Variants in COPG2 observed in about 807,000 individuals in gnomAD.
COPG2 encodes coatomer subunit gamma-2.
Under a neutral mutation model 46.3 loss-of-function variants are expected in COPG2, and 37 were observed. The observed-to-expected ratio is 0.80, with a 90% CI of 0.61 to 1.05. The LOEUF is 1.05. COPG2 is among the 50% of genes least tolerant of loss of function. The pLI, the probability that COPG2 is intolerant of heterozygous loss-of-function variation, is 0.00. For synonymous variants in COPG2, 159 were observed against 129.7 expected (o/e 1.23, Z -1.53); for missense variants, 427 against 387.8 (o/e 1.10, Z -0.85).
chr7:130,586,041 C>T (rs1554447923), intron 9 of COPG2, among the ~76,000 whole-genome samples: 2 of 151,970 alleles, frequency 1.3e-5, no homozygotes, highest in Non-Finnish European at 2.9e-5. Context: ...GTACAATTTG[C>T]AACTGCAAAA....
At chr7:130,508,059 T>C (rs1482872987) in intron 21 of COPG2, 2 of 450,770 alleles carry the variant, frequency 4.4e-6, no homozygotes, top group African/African-American at 4.0e-5. Flanking sequence ...AGAGTAGTCA[T>C]GTTGCACCCA....
At chr7:130,534,431 C>T (rs1436051761) in intron 20 of COPG2, among the ~76,000 whole-genome samples, 13 of 151,816 alleles carry the variant, frequency 8.6e-5, no homozygotes, top group Non-Finnish European at 1.8e-4. Context: ...TTTTGCTATC[C>T]AAGAGTGGGA....
At chr7:130,665,617 T>C (rs903769855) in intron 3 of COPG2, among the ~76,000 whole-genome samples, 1 of 152,074 alleles carries the variant, frequency 6.6e-6, no homozygotes, top group Non-Finnish European at 1.5e-5. Context: ...AGTCTAAGTA[T>C]TATAATCACA....
chr7:130,529,347 A>G (rs1799803080), intron 20 of COPG2, among the ~76,000 whole-genome samples: 1 of 152,134 alleles, frequency 6.6e-6, no homozygotes, highest in South Asian at 2.1e-4. Context: ...TGTGCAGTAC[A>G]TCTTAACTAG....
chr7:130,632,749 T>TTTA (rs1167949557), intron 5 of COPG2, among the ~76,000 whole-genome samples: 1 of 152,152 alleles, frequency 6.6e-6, no homozygotes, highest in African/African-American at 2.4e-5. Flanking sequence ...AATGATTTTT[T>TTTA]TTATTATTAT....
At chr7:130,530,919 C>T (rs1205202365) in intron 20 of COPG2, among the ~76,000 whole-genome samples, 3 of 151,416 alleles carry the variant, frequency 2.0e-5, no homozygotes, top group Non-Finnish European at 4.4e-5. Context: ...CTGCAAGGTT[C>T]GGCATAGGGA....
intron 20 of COPG2, among the ~76,000 whole-genome samples, chr7:130,539,803 A>G (rs1799918664): frequency 6.6e-6 from 1 of 152,176 alleles, no homozygotes; most frequent in Admixed American, 6.5e-5. Flanking sequence ...CAGGACAGCC[A>G]CAGGCAGGAC....
rs1436907729 is a variant in COPG2, at chr7:130,555,034, T to C, written c.1224+3A>G. 2 of 398,508 alleles carry C rather than the reference T, an allele frequency of 5.0e-6. No homozygotes were observed. The highest frequency in any genetic ancestry group is 8.8e-6 in the Non-Finnish European group (2 of 226,016). 24.7% of individuals were successfully genotyped at this position (398,508 alleles called of 1,614,324 possible). A position where few individuals can be genotyped will look rare whatever the true frequency, so the allele number is the denominator to read the frequency against. On this transcript the variant is annotated splice_donor_region_variant and intron_variant, in intron 13 of 23. Transcript: ENST00000425248. Reference sequence around the variant, plus strand: ...TCCTATGATTAAAAAGTAGTCTACCTACATCATCTCGGAGCATGTTGGAGA... The same window carrying C: ...TCCTATGATTAAAAAGTAGTCTACCCACATCATCTCGGAGCATGTTGGAGA...
At chr7:130,578,485 AAAGCTG>A (rs1330028730) in intron 9 of COPG2, among the ~76,000 whole-genome samples, 1 of 151,980 alleles carries the variant, frequency 6.6e-6, no homozygotes, top group Non-Finnish European at 1.5e-5. Flanking sequence ...GCAACGGAAC[AAAGCTG>A]GATGGAGAAT....
At chr7:130,658,475 C>T (rs1298456839) in intron 4 of COPG2, among the ~76,000 whole-genome samples, 1 of 151,906 alleles carries the variant, frequency 6.6e-6, no homozygotes, top group South Asian at 2.1e-4. Context: ...GATAACACCA[C>T]TATATGTGTT....
intron 20 of COPG2, among the ~76,000 whole-genome samples, chr7:130,530,959 T>A (rs1799818883): frequency 6.6e-6 from 1 of 150,506 alleles, no homozygotes; most frequent in Non-Finnish European, 1.5e-5. Context: ...TGGACAGCAA[T>A]AGACAGGAAG....
intron 20 of COPG2, among the ~76,000 whole-genome samples, chr7:130,526,518 A>AAGAC (rs1310144009): frequency 3.6e-4 from 54 of 152,102 alleles, no homozygotes; most frequent in African/African-American, 1.1e-3. Flanking sequence ...TCACCTACAG[A>AAGAC]AGACAGGGTG....
At chr7:130,610,907 A>G in intron 9 of COPG2, 46 bp downstream of exon 9, 2 of 1,599,124 alleles carry the variant, frequency 1.3e-6, no homozygotes, top group Middle Eastern at 1.7e-4. Flanking sequence ...AAGGTATATT[A>G]ACTTCGCAAA....
intron 8 of COPG2, among the ~76,000 whole-genome samples, chr7:130,611,507 A>AC (rs1794848866): frequency 6.6e-6 from 1 of 152,220 alleles, no homozygotes; most frequent in Non-Finnish European, 1.5e-5. Flanking sequence ...AAAGCAGGCT[A>AC]CAAGAGTGTC....
chr7:130,565,390 C>T (rs951488921), intron 9 of COPG2, among the ~76,000 whole-genome samples: 2 of 152,140 alleles, frequency 1.3e-5, no homozygotes, highest in African/African-American at 2.4e-5. Context: ...ATAAAGACTA[C>T]AGAAATAGTC....
At chr7:130,578,783 A>G (rs1794069084) in intron 9 of COPG2, among the ~76,000 whole-genome samples, 1 of 151,648 alleles carries the variant, frequency 6.6e-6, no homozygotes, top group Admixed American at 6.6e-5. Context: ...TGAAGCGAGA[A>G]GGGAAGTTTA....
chr7:130,645,048 G>C (rs1795566862), intron 5 of COPG2, among the ~76,000 whole-genome samples: 1 of 143,818 alleles, frequency 7.0e-6, no homozygotes, highest in Admixed American at 7.1e-5. Flanking sequence ...GGGGACAAGA[G>C]CGAGACTTCA....
At position 130,579,572 on chromosome 7, in the gene COPG2, C is replaced by T. The variant is rs1477211201; in HGVS notation, c.738-15179G>A. On this transcript the variant is annotated intron_variant, in intron 9 of 23. Coordinates refer to ENST00000425248, the MANE Select transcript of COPG2 (RefSeq NM_012133.6). ...GACTGGCAAATTGGATAAAGAGTCACGACCCATCAGTGTGCTGTATTCAGG... is the reference window on the plus strand; with the variant it reads ...GACTGGCAAATTGGATAAAGAGTCATGACCCATCAGTGTGCTGTATTCAGG... Among the ~76,000 whole-genome samples the T allele has an allele frequency of 4.3e-4, 65 of 151,980 alleles. No homozygotes were observed. In the South Asian group the frequency reaches 0.011, roughly 25 times the overall value.
intron 9 of COPG2, chr7:130,608,248 T>C: frequency 2.2e-6 from 1 of 461,820 alleles, no homozygotes; most frequent in Non-Finnish European, 4.4e-6. Flanking sequence ...TTTTTCTCCC[T>C]CATGCCCTTT....
Sources: gnomAD v4.1 joint callset for allele counts (sites outside exome capture counted in the v4.1 genomes callset) on GRCh38, gnomAD v4.1.1 for gene constraint, MANE v1.5 for transcripts, NCBI Gene and HGNC (gene_info 2026-07-23, HGNC 2026-07-21) for gene names.